RTN4IP1: variants seen among roughly 807,000 people sequenced by gnomAD.
RTN4IP1 encodes NAD(P)H oxidoreductase RTN4IP1, mitochondrial.
In RTN4IP1, 32 loss-of-function variants were observed where a neutral mutation model predicts 46.6. The observed-to-expected ratio is 0.69, with a 90% CI of 0.52 to 0.92. The LOEUF is 0.92. Ranked by LOEUF, RTN4IP1 falls within the 40% of genes least tolerant of loss-of-function variation. The pLI, the probability that RTN4IP1 is intolerant of heterozygous loss-of-function variation, is 0.00. For synonymous variants in RTN4IP1, 167 were observed against 161.8 expected, an observed-to-expected ratio of 1.03 and a Z score of -0.24; for missense variants, 424 against 485.8, an observed-to-expected ratio of 0.87 and a Z score of 1.20.
rs763422221 is a variant in RTN4IP1 at position 106,625,969 on chromosome 6, TAAGA to T, written c.274+2775_274+2778del. On this transcript the variant is annotated intron_variant, in intron 1 of 8. Transcript: ENST00000369063. ...CTGTGCCCAGCCTTTTCCTTCTTCT[TAAGA>T]AAGGAGAAATAACAGCAAGTCTGTA... 9.1e-4 allele frequency among the ~76,000 whole-genome samples: 139 copies of T among 152,018 alleles called. 1 individual carries two copies. Among genetic ancestry groups the T allele is most frequent in the Admixed American group, 2.4e-3 (37 of 15,272 alleles).
chr6:106,621,506 C>T lies in RTN4IP1; in HGVS notation c.427-13G>A, dbSNP rs1304223024. 1 of 1,610,586 alleles carries T rather than the reference C, an allele frequency of 6.2e-7. No individual in the cohort carries two copies. The highest frequency in any genetic ancestry group is 8.5e-7 in the Non-Finnish European group (1 of 1,177,010). On this transcript the variant is annotated splice_polypyrimidine_tract_variant and intron_variant, in intron 2 of 8. Transcript: ENST00000369063. Reference sequence around the variant, plus strand: ...CTGCAGCCCAGACCTGAAACACACACAGACAGACAGCTTCATTAGAAACAC... The same window carrying T: ...CTGCAGCCCAGACCTGAAACACACATAGACAGACAGCTTCATTAGAAACAC...
At chr6:106,609,061 G>C (rs1316119039) in intron 4 of RTN4IP1, among the ~76,000 whole-genome samples, 1 of 152,134 alleles carries the variant, frequency 6.6e-6, no homozygotes, top group African/African-American at 2.4e-5. Context: ...TACCTGCTGA[G>C]GTCTCCTTTC....
chr6:106,624,906 A>G (rs1253760365), intron 1 of RTN4IP1, among the ~76,000 whole-genome samples: 1 of 148,102 alleles, frequency 6.8e-6, no homozygotes, highest in African/African-American at 2.5e-5. Flanking sequence ...ACTGCACTCC[A>G]GCCCAGGTGA....
intron 1 of RTN4IP1, 126 bp from the exon 2 acceptor site, chr6:106,623,095 A>G (rs1776529601): frequency 5.7e-6 from 5 of 881,950 alleles, no homozygotes; most frequent in Non-Finnish European, 7.0e-6. Context: ...TTCCATTACA[A>G]AGACACATAA....
intron 5 of RTN4IP1, among the ~76,000 whole-genome samples, chr6:106,596,034 T>A (rs1350889744): frequency 1.3e-5 from 1 of 76,458 alleles, no homozygotes; most frequent in Admixed American, 1.1e-4. Context: ...CCCATTGTAA[T>A]GGTCATTATT....
intron 8 of RTN4IP1, among the ~76,000 whole-genome samples, chr6:106,573,176 A>G (rs1775124936): frequency 6.6e-6 from 1 of 152,212 alleles, no homozygotes. Flanking sequence ...GTCCCAGGTA[A>G]CATCCTCTCC....
rs1340359734 is a variant in RTN4IP1 at position 106,629,171 on chromosome 6, T to G, written c.-150A>C. 1.5e-6 allele frequency: 1 copy of G among 673,218 alleles called. No homozygotes were observed. The highest frequency in any genetic ancestry group is 2.5e-6 in the Non-Finnish European group (1 of 400,796). 41.7% of individuals were successfully genotyped at this position (673,218 alleles called of 1,614,324 possible). ...GGAGCATTCGAAAATGAAGCTAATCTAATGGAGAAACTGAAAGAAGAATAC... is the reference window on the plus strand; with the variant it reads ...GGAGCATTCGAAAATGAAGCTAATCGAATGGAGAAACTGAAAGAAGAATAC... On this transcript the variant is annotated 5_prime_UTR_variant, in exon 1 of 9. Coordinates refer to ENST00000369063, the MANE Select transcript of RTN4IP1 (RefSeq NM_032730.5).
chr6:106,622,728 G>T, intron 2 of RTN4IP1, 90 bp downstream of exon 2: 1 of 1,355,096 alleles, frequency 7.4e-7, no homozygotes. Context: ...GACAGGCAAA[G>T]TATCTGTGTC....
intron 6 of RTN4IP1, among the ~76,000 whole-genome samples, chr6:106,589,300 AGAGGAGGAG>A (rs1275678816): frequency 3.4e-5 from 4 of 119,188 alleles, no homozygotes; most frequent in Admixed American, 8.7e-5. Context: ...GAGAAGAAGA[AGAGGAGGAG>A]GAGGAGGAAG....
chr6:106,587,897 C>G (rs762836694), intron 6 of RTN4IP1, 35 bp from the exon 7 acceptor site: 29 of 1,566,750 alleles, frequency 1.9e-5, no homozygotes, highest in Non-Finnish European at 2.5e-5. Context: ...ACATGGTTGT[C>G]AGGCTTTACA....
intron 5 of RTN4IP1, among the ~76,000 whole-genome samples, chr6:106,598,526 C>T (rs1442384066): frequency 7.3e-5 from 11 of 150,992 alleles, no homozygotes; most frequent in Non-Finnish European, 1.5e-4. Flanking sequence ...GTCCTTCGCC[C>T]ACTTTTTGAT....
chr6:106,620,255 A>C (rs141741915), intron 3 of RTN4IP1, among the ~76,000 whole-genome samples: 11,326 of 151,824 alleles, frequency 0.075, 1,064 homozygotes, highest in African/African-American at 0.21. Context: ...CAGGCGCCCA[A>C]CACCATGCCC....
intron 7 of RTN4IP1, chr6:106,583,712 T>G: frequency 3.0e-6 from 1 of 328,672 alleles, no homozygotes. Flanking sequence ...AATGATCATC[T>G]AAATGGTTTT....
chr6:106,601,176 T>C (rs1004587475), intron 5 of RTN4IP1, among the ~76,000 whole-genome samples: 2 of 152,192 alleles, frequency 1.3e-5, no homozygotes, highest in Admixed American at 6.5e-5. Flanking sequence ...AATAAAGATA[T>C]TGACCATCCT....
intron 6 of RTN4IP1, among the ~76,000 whole-genome samples, chr6:106,590,433 C>T (rs902385519): frequency 6.6e-5 from 10 of 151,824 alleles, no homozygotes; most frequent in African/African-American, 2.4e-4. Context: ...GATACAAGAT[C>T]GGGCTGGGCG....
At chr6:106,595,332 T>C (rs1775757238) in intron 5 of RTN4IP1, among the ~76,000 whole-genome samples, 1 of 152,140 alleles carries the variant, frequency 6.6e-6, no homozygotes, top group South Asian at 2.1e-4. Context: ...AGCAAAACTA[T>C]GGACAGTGTC....
intron 3 of RTN4IP1, among the ~76,000 whole-genome samples, chr6:106,619,639 A>G (rs892621499): frequency 3.2e-5 from 4 of 126,600 alleles, no homozygotes; most frequent in African/African-American, 1.2e-4. Context: ...TGAGACGGAG[A>G]CTTGCTCTGT....
chr6:106,607,307 C>T (rs1474484483), intron 4 of RTN4IP1, among the ~76,000 whole-genome samples: 2 of 151,676 alleles, frequency 1.3e-5, no homozygotes, highest in Non-Finnish European at 2.9e-5. Flanking sequence ...TAGAAGAAAG[C>T]ATATGGGAAT....
intron 5 of RTN4IP1, among the ~76,000 whole-genome samples, chr6:106,597,688 T>A (rs1452615769): frequency 4.0e-5 from 6 of 150,998 alleles, no homozygotes; most frequent in Non-Finnish European, 8.8e-5. Flanking sequence ...CTGCATTTTG[T>A]TTCTTTTTTT....
Sources: gnomAD v4.1 joint callset for allele counts (sites outside exome capture counted in the v4.1 genomes callset) on GRCh38, gnomAD v4.1.1 for gene constraint, MANE v1.5 for transcripts, NCBI Gene and HGNC (gene_info 2026-07-23, HGNC 2026-07-21) for gene names.